Variants in HDAC8 observed in about 807,000 individuals in gnomAD.
HDAC8 encodes the protein histone deacetylase-like 1.
In HDAC8, 1 loss-of-function variant was observed where a neutral mutation model predicts 32.2. The ratio of observed to expected loss-of-function variants is 0.03; its 90% CI spans 0.01 to 0.15. The LOEUF (loss-of-function observed/expected upper bound fraction) is 0.15. Among genes scored for constraint, HDAC8 ranks in the 10% least tolerant of loss-of-function variants. The pLI is 1.00. For missense variants in HDAC8, 117 were observed against 300.0 expected (o/e 0.39, Z 4.51); for synonymous variants, 108 against 113.9 (o/e 0.95, Z 0.33).
chrX:72,421,663 C>A (rs2046496900), intron 9 of HDAC8, among the ~76,000 whole-genome samples: 1 of 112,280 alleles, frequency 8.9e-6, no homozygotes, highest in Non-Finnish European at 1.9e-5. Context: ...TCTTTTTAAT[C>A]ATGCAGAAAA....
chrX:72,520,104 G>A (rs1374437803), intron 4 of HDAC8, among the ~76,000 whole-genome samples: 2 of 111,839 alleles, frequency 1.8e-5, no homozygotes, highest in African/African-American at 3.2e-5. Context: ...AAATTTTGAT[G>A]AAGTTCAATT....
intron 9 of HDAC8, among the ~76,000 whole-genome samples, chrX:72,444,303 C>G (rs1262894543): frequency 9.2e-6 from 1 of 108,679 alleles, no homozygotes; most frequent in Non-Finnish European, 1.9e-5. Flanking sequence ...TACCGGCAAA[C>G]CGAATCCAGC....
chrX:72,477,035 CA>C (rs1218525834), intron 7 of HDAC8, among the ~76,000 whole-genome samples: 1 of 111,991 alleles, frequency 8.9e-6, no homozygotes, highest in Non-Finnish European at 1.9e-5. Context: ...GACAGAAACA[CA>C]AGTGCCTTTC....
chrX:72,456,081 A>T (rs193051333), intron 9 of HDAC8, among the ~76,000 whole-genome samples: 1,324 of 111,880 alleles, frequency 0.012, 19 homozygotes, highest in African/African-American at 0.04. Flanking sequence ...ATATATTTTT[A>T]AAAAAACAAC....
chrX:72,453,762 C>T (rs901105476), intron 9 of HDAC8, among the ~76,000 whole-genome samples: 3 of 111,357 alleles, frequency 2.7e-5, no homozygotes, highest in South Asian at 3.8e-4. Context: ...ATCCAGCTGC[C>T]GAAAACTAGT....
Position 72,514,994 on chromosome X carries a change from A to C in HDAC8, c.438-19726T>G, listed in dbSNP as rs1556024047. 2.7e-5 allele frequency among the ~76,000 whole-genome samples: 3 copies of C among 111,987 alleles called. 1 individual carries two copies. Among genetic ancestry groups the C allele is most frequent in the Admixed American group, 1.9e-4 (2 of 10,558 alleles). ...TTGAAATACATATACACTGTGAAAT[A>C]ACCACCACAATCAAGCTAATTAACA... On this transcript the variant is annotated intron_variant, in intron 4 of 10. Coordinates refer to ENST00000373573, the MANE Select transcript of HDAC8 (RefSeq NM_018486.3).
At chrX:72,491,083 C>A (rs1174727448) in intron 5 of HDAC8, 77 bp from the exon 6 acceptor site, 2 of 731,289 alleles carry the variant, frequency 2.7e-6, no homozygotes, top group Non-Finnish European at 4.2e-6. Context: ...ATCTAGAAAG[C>A]AGCTGTGAGA....
chrX:72,473,454 T>C (rs184318359), intron 7 of HDAC8: 4 of 113,516 alleles, frequency 3.5e-5, no homozygotes, highest in African/African-American at 9.7e-5. Flanking sequence ...TAGAGCACTG[T>C]TCTATGTATT....
intron 9 of HDAC8, among the ~76,000 whole-genome samples, chrX:72,428,226 C>T (rs180841193): frequency 2.7e-5 from 3 of 111,751 alleles, no homozygotes; most frequent in African/African-American, 6.5e-5. Context: ...CCTGAGTAGC[C>T]GGGATTACAG....
chrX:72,442,659 T>C (rs1205996501), intron 9 of HDAC8, among the ~76,000 whole-genome samples: 1 of 111,575 alleles, frequency 9.0e-6, no homozygotes, highest in Non-Finnish European at 1.9e-5. Flanking sequence ...AACATCATAA[T>C]GACAGGATCA....
intron 7 of HDAC8, among the ~76,000 whole-genome samples, chrX:72,478,270 T>C (rs868970217): frequency 8.9e-6 from 1 of 112,609 alleles, no homozygotes; most frequent in South Asian, 3.7e-4. Context: ...TACTATGCTG[T>C]TAGTCTAGTT....
At chrX:72,515,026 T>C (rs2049742238) in intron 4 of HDAC8, among the ~76,000 whole-genome samples, 1 of 111,999 alleles carries the variant, frequency 8.9e-6, no homozygotes, top group African/African-American at 3.2e-5. Flanking sequence ...AACATATCCA[T>C]CACTGCAGAT....
At chrX:72,476,935 G>A (rs184236164) in intron 7 of HDAC8, among the ~76,000 whole-genome samples, 247 of 111,628 alleles carry the variant, frequency 2.2e-3, no homozygotes, top group African/African-American at 7.5e-3. Flanking sequence ...GTCACTGCCC[G>A]GTTATACCTG....
chrX:72,377,993 A>T (rs1394725227), intron 9 of HDAC8, among the ~76,000 whole-genome samples: 1 of 110,280 alleles, frequency 9.1e-6, no homozygotes, highest in Non-Finnish European at 1.9e-5. Context: ...TACATGTATA[A>T]ATATGTGTAT....
Position 72,340,266 on chromosome X carries a change from C to T in HDAC8, c.1112-10190G>A, listed in dbSNP as rs782123639. On this transcript the variant is annotated intron_variant, in intron 10 of 10. Coordinates refer to ENST00000373573, the MANE Select transcript of HDAC8 (RefSeq NM_018486.3). ...CCAGCCAGCTTGTGGAGCTGGGCCCCGGCAGTTGTCTATCTGCTGGGCTGG... is the reference window on the plus strand; with the variant it reads ...CCAGCCAGCTTGTGGAGCTGGGCCCTGGCAGTTGTCTATCTGCTGGGCTGG... 9.9e-5 allele frequency among the ~76,000 whole-genome samples: 11 copies of T among 111,653 alleles called. No individual in the cohort carries two copies. In the East Asian group the frequency reaches 2.0e-3, roughly 20 times the overall value.
intron 9 of HDAC8, among the ~76,000 whole-genome samples, chrX:72,452,475 A>T (rs2047597266): frequency 9.0e-6 from 1 of 111,093 alleles, no homozygotes; most frequent in African/African-American, 3.3e-5. Context: ...AACAAACAAA[A>T]ACCAACCAAA....
At chrX:72,541,839 A>C (rs782554181) in intron 4 of HDAC8, among the ~76,000 whole-genome samples, 3 of 111,799 alleles carry the variant, frequency 2.7e-5, no homozygotes, top group Non-Finnish European at 5.6e-5. Context: ...TTGCAAGTTC[A>C]GCTTTGGACA....
At position 72,489,055 on chromosome X, in the gene HDAC8, G is replaced by A. The variant is rs1164078285; in HGVS notation, c.629-14C>T. 14 of 1,085,519 alleles carry A rather than the reference G, an allele frequency of 1.3e-5. No homozygotes were observed. The highest frequency in any genetic ancestry group is 3.8e-5 in the African/African-American group (2 of 53,311). 89.5% of individuals were successfully genotyped at this position (1,085,519 alleles called of 1,213,427 possible). On this transcript the variant is annotated splice_polypyrimidine_tract_variant and intron_variant, in intron 6 of 10. Transcript: ENST00000373573. The stretch of plus-strand genomic sequence containing the variant: ...CGTCACCTGTTCCTATAAAAGAGAA[G>A]AGCACTATGATCAGTTATTAGGAAC...
At chrX:72,470,734 A>G (rs1192843678) in intron 7 of HDAC8, among the ~76,000 whole-genome samples, 1 of 111,983 alleles carries the variant, frequency 8.9e-6, no homozygotes, top group African/African-American at 3.2e-5. Flanking sequence ...TTTCTCTGTT[A>G]TCTTTTTCAA....
Sources: allele counts gnomAD v4.1 joint callset (sites outside exome capture counted in the v4.1 genomes callset), GRCh38; gene constraint gnomAD v4.1.1; transcripts MANE v1.5; gene names NCBI Gene and HGNC (gene_info 2026-07-23, HGNC 2026-07-21).